The following HECW2 variants were observed in gnomAD, a reference collection of about 807,000 sequenced individuals.
The protein encoded by HECW2 is E3 ubiquitin-protein ligase HECW2.
HECW2 carries 61 observed loss-of-function variants against 175.2 expected under a neutral mutation model. The ratio of observed to expected loss-of-function variants is 0.35; its 90% CI spans 0.28 to 0.43. HECW2 has a LOEUF of 0.43. HECW2 is among the 20% of genes least tolerant of loss of function. The pLI is 1.00. For missense variants in HECW2, 1,524 were observed against 2,000.5 expected (o/e 0.76, Z 4.54); for synonymous variants, 671 against 731.0 (o/e 0.92, Z 1.32).
Position 196,307,131 on chromosome 2 carries a change from T to C in HECW2, c.2688A>G (p.Ala896=), listed in dbSNP as rs1691295692. ...AAAAACAAAGCCCAAAGCTCTTACC[T>C]GCACTGGCTTGGTGAAAGTCAGCTT... ...GEEADFHQAS[A]DFRRENILPH... Residue 896 remains alanine (A), a splice_region_variant and synonymous_variant, in exon 12 of 29, where the codon GCA becomes GCG. Coordinates refer to ENST00000644978, the MANE Select transcript of HECW2 (RefSeq NM_001348768.2). 6.2e-7 allele frequency: 1 copy of C among 1,604,674 alleles called. No individual in the cohort carries two copies. The highest frequency in any genetic ancestry group is 8.5e-7 in the Non-Finnish European group (1 of 1,171,496).
rs1178652644 is a variant in HECW2, at chr2:196,492,186, C to T, written c.-35-58728G>A. On this transcript the variant is annotated intron_variant, in intron 1 of 28. Transcript: ENST00000644978. ...GTTTATTTTTTAGAGTTACACTCCTCAGTACAAAACCTGCAGATTGTCACA... is the reference window on the plus strand; with the variant it reads ...GTTTATTTTTTAGAGTTACACTCCTTAGTACAAAACCTGCAGATTGTCACA... Among the ~76,000 whole-genome samples the T allele has an allele frequency of 4.6e-5, 7 of 152,158 alleles. No homozygotes were observed. In the East Asian group the frequency reaches 1.2e-3, roughly 25 times the overall value.
chr2:196,579,993 C>T (rs140556383), intron 1 of HECW2, among the ~76,000 whole-genome samples: 1 of 152,106 alleles, frequency 6.6e-6, no homozygotes, highest in Admixed American at 6.6e-5. Flanking sequence ...CAAACCAATA[C>T]AACATGATAA....
intron 1 of HECW2, among the ~76,000 whole-genome samples, chr2:196,579,790 C>T (rs1264022918): frequency 6.6e-6 from 1 of 152,096 alleles, no homozygotes; most frequent in African/African-American, 2.4e-5. Flanking sequence ...ACACCAGGGA[C>T]ATACATGCAC....
In HECW2 at chr2:196,205,239, T is replaced by C. The variant is rs76240285; in HGVS notation, c.4608-3851A>G. 0.011 allele frequency among the ~76,000 whole-genome samples: 1,668 copies of C among 152,314 alleles called. 72 individuals are homozygous for C. The East Asian group carries it at 0.16, about 14-fold the overall frequency. On this transcript the variant is annotated intron_variant, in intron 28 of 28. Coordinates refer to ENST00000644978, the MANE Select transcript of HECW2 (RefSeq NM_001348768.2). ...ACTGTGTGGAAAGATTAAATGGTTTTCCCAAGGTCAAAGCTGAGTCAGTGG... is the reference window on the plus strand; with the variant it reads ...ACTGTGTGGAAAGATTAAATGGTTTCCCCAAGGTCAAAGCTGAGTCAGTGG...
At chr2:196,509,921 C>T (rs1687887906) in intron 1 of HECW2, among the ~76,000 whole-genome samples, 1 of 152,184 alleles carries the variant, frequency 6.6e-6, no homozygotes, top group Non-Finnish European at 1.5e-5. Flanking sequence ...CAATCGCTTG[C>T]TCTGAGACTC....
chr2:196,580,901 T>C (rs977466839), intron 1 of HECW2, among the ~76,000 whole-genome samples: 8 of 152,192 alleles, frequency 5.3e-5, no homozygotes, highest in Non-Finnish European at 1.0e-4. Context: ...ATCCTCATTG[T>C]CCATCAACTG....
Position 196,199,206 on chromosome 2 carries a change from T to C in HECW2, c.*2071A>G, listed in dbSNP as rs1438635288. ...ATGTGACTTAAAAAAAAGTGTGTTATACTACTTTTCCTTATAATGAAAAGA... is the reference window on the plus strand; with the variant it reads ...ATGTGACTTAAAAAAAAGTGTGTTACACTACTTTTCCTTATAATGAAAAGA... On this transcript the variant is annotated 3_prime_UTR_variant, in exon 29 of 29. Transcript: ENST00000644978. 1 of 152,606 alleles carries C rather than the reference T, an allele frequency of 6.6e-6. No individual in the cohort carries two copies. The highest frequency in any genetic ancestry group is 1.9e-4 in the East Asian group (1 of 5,200). The allele number at this position is 152,606 out of a possible 1,614,324, so 9.5% of individuals were successfully genotyped here. A position where few individuals can be genotyped will look rare whatever the true frequency, so the allele number is the denominator to read the frequency against.
intron 1 of HECW2, among the ~76,000 whole-genome samples, chr2:196,476,518 A>G (rs1686627648): frequency 6.6e-6 from 1 of 152,158 alleles, no homozygotes. Context: ...TGACACAGGC[A>G]AAGTGCTTAA....
At chr2:196,519,959 T>C (rs1215603185) in intron 1 of HECW2, among the ~76,000 whole-genome samples, 2 of 152,146 alleles carry the variant, frequency 1.3e-5, no homozygotes, top group Non-Finnish European at 2.9e-5. Context: ...CTGCAGATAT[T>C]AGAGATAAGT....
At chr2:196,235,831 TGTATTTTTA>T (rs1688233329) in intron 21 of HECW2, among the ~76,000 whole-genome samples, 1 of 151,924 alleles carries the variant, frequency 6.6e-6, no homozygotes, top group East Asian at 1.9e-4. Flanking sequence ...TAATTTTTTT[TGTATTTTTA>T]GTAGAGATGG....
At chr2:196,573,868 AAC>A (rs201506206) in intron 1 of HECW2, among the ~76,000 whole-genome samples, 2,145 of 151,788 alleles carry the variant, frequency 0.014, 39 homozygotes, top group African/African-American at 0.05. Flanking sequence ...CAACAACAAC[AAC>A]AAAAAAAAAA....
At chr2:196,559,509 T>A (rs1237086316) in intron 1 of HECW2, among the ~76,000 whole-genome samples, 1 of 152,228 alleles carries the variant, frequency 6.6e-6, no homozygotes, top group African/African-American at 2.4e-5. Context: ...TCCAGTTGAT[T>A]ACTGCTCATA....
intron 2 of HECW2, among the ~76,000 whole-genome samples, chr2:196,354,929 G>T (rs542425999): frequency 4.5e-4 from 68 of 152,244 alleles, no homozygotes; most frequent in African/African-American, 1.6e-3. Flanking sequence ...ACATCTTAAA[G>T]TTCCTTCTTG....
intron 1 of HECW2, among the ~76,000 whole-genome samples, chr2:196,451,045 T>C (rs898703557): frequency 1.3e-5 from 2 of 152,228 alleles, no homozygotes; most frequent in African/African-American, 2.4e-5. Flanking sequence ...ATTGTGAAAA[T>C]TGAAATAAAA....
chr2:196,253,816 G>C, intron 19 of HECW2, 104 bp downstream of exon 19: 1 of 1,020,196 alleles, frequency 9.8e-7, no homozygotes. Context: ...CACCAAAGAT[G>C]TACCTGAAGT....
chr2:196,359,428 C>T (rs1302003113), intron 2 of HECW2, among the ~76,000 whole-genome samples: 2 of 152,032 alleles, frequency 1.3e-5, no homozygotes, highest in Admixed American at 6.5e-5. Flanking sequence ...AGCCTGGCAA[C>T]AGAGCGAGAC....
chr2:196,382,927 C>T (rs1165680069), intron 2 of HECW2, among the ~76,000 whole-genome samples: 1 of 152,152 alleles, frequency 6.6e-6, no homozygotes, highest in Non-Finnish European at 1.5e-5. Context: ...TTTCACTAAG[C>T]TTAACTTTCA....
At chr2:196,358,022 G>A (rs1210425250) in intron 2 of HECW2, among the ~76,000 whole-genome samples, 2 of 152,100 alleles carry the variant, frequency 1.3e-5, no homozygotes, top group African/African-American at 2.4e-5. Context: ...CACATTACAG[G>A]TGCAATGAGA....
At chr2:196,527,189 T>A (rs937550915) in intron 1 of HECW2, among the ~76,000 whole-genome samples, 2 of 152,136 alleles carry the variant, frequency 1.3e-5, no homozygotes, top group African/African-American at 4.8e-5. Context: ...GGTGCGCCGT[T>A]TTTTAAGCTG....
Sources: allele counts gnomAD v4.1 joint callset (sites outside exome capture counted in the v4.1 genomes callset), GRCh38; gene constraint gnomAD v4.1.1; transcripts MANE v1.5; gene names NCBI Gene and HGNC (gene_info 2026-07-23, HGNC 2026-07-21).